TNS3: variants seen among roughly 807,000 people sequenced by gnomAD.
The protein encoded by TNS3 is tensin-3.
Under a neutral mutation model 140.9 loss-of-function variants are expected in TNS3, and 45 were observed. The ratio of observed to expected loss-of-function variants is 0.32; its 90% CI spans 0.25 to 0.41. The LOEUF (loss-of-function observed/expected upper bound fraction) is 0.41. Ranked by LOEUF, TNS3 falls within the 10% of genes least tolerant of loss-of-function variation. TNS3 has a pLI of 1.00. For missense variants in TNS3, 1,716 were observed against 1,906.7 expected (o/e 0.90, Z 1.86); for synonymous variants, 815 against 788.4 (o/e 1.03, Z -0.56).
chr7:47,503,448 G>C (rs1439554165), intron 3 of TNS3, among the ~76,000 whole-genome samples: 1 of 151,942 alleles, frequency 6.6e-6, no homozygotes, highest in African/African-American at 2.4e-5. Context: ...TTGCCAGTAA[G>C]TCAAGTGACA....
chr7:47,327,988 C>G (rs1293380115), intron 20 of TNS3, among the ~76,000 whole-genome samples: 1 of 151,982 alleles, frequency 6.6e-6, no homozygotes, highest in Admixed American at 6.5e-5. Context: ...TACCTGGCAC[C>G]CAGGACCCTG....
chr7:47,563,948 C>T (rs906502528), intron 1 of TNS3, among the ~76,000 whole-genome samples: 3 of 152,132 alleles, frequency 2.0e-5, no homozygotes, highest in Non-Finnish European at 4.4e-5. Flanking sequence ...AATCCCAGCA[C>T]TTTGGGAGGC....
intron 13 of TNS3, among the ~76,000 whole-genome samples, chr7:47,411,367 A>C (rs1793756576): frequency 6.6e-6 from 1 of 152,234 alleles, no homozygotes; most frequent in Non-Finnish European, 1.5e-5. Flanking sequence ...TTTCAGGATG[A>C]AACTGTTCCA....
intron 20 of TNS3, among the ~76,000 whole-genome samples, chr7:47,322,665 C>A (rs1175504520): frequency 6.6e-6 from 1 of 152,026 alleles, no homozygotes; most frequent in African/African-American, 2.4e-5. Flanking sequence ...CTGTATATGA[C>A]GAACATAAAA....
chr7:47,383,917 G>A (rs181421224), intron 16 of TNS3, among the ~76,000 whole-genome samples: 28 of 152,320 alleles, frequency 1.8e-4, no homozygotes, highest in African/African-American at 6.5e-4. Context: ...TACCTGGACT[G>A]CAGGTCAGAA....
chr7:47,459,792 A>G (rs1170402093), intron 4 of TNS3, among the ~76,000 whole-genome samples: 4 of 152,202 alleles, frequency 2.6e-5, no homozygotes, highest in Non-Finnish European at 5.9e-5. Context: ...TGGCAAAGGT[A>G]GCACCGTCCT....
At chr7:47,554,952 C>T (rs529425775) in intron 1 of TNS3, among the ~76,000 whole-genome samples, 3 of 151,630 alleles carry the variant, frequency 2.0e-5, no homozygotes, top group Admixed American at 6.6e-5. Context: ...CGCTTGAACC[C>T]GGGAGGCAGA....
chr7:47,435,418 G>A lies in TNS3; in HGVS notation c.202-14C>T. 1 of 1,612,656 alleles carries A rather than the reference G, an allele frequency of 6.2e-7. No homozygotes were observed. Among genetic ancestry groups the A allele is most frequent in the Non-Finnish European group, 8.5e-7 (1 of 1,179,912 alleles). ...CACATCCATGATCTGCAACAAGAAA[G>A]GGGAGCTTCCTCGGTTTCCATTTCC... On this transcript the variant is annotated splice_polypyrimidine_tract_variant and intron_variant, in intron 7 of 30. Coordinates refer to ENST00000311160, the MANE Select transcript of TNS3 (RefSeq NM_022748.12).
intron 26 of TNS3, among the ~76,000 whole-genome samples, chr7:47,292,570 C>T (rs1167406302): frequency 6.6e-6 from 1 of 152,198 alleles, no homozygotes; most frequent in Non-Finnish European, 1.5e-5. Context: ...TTTTAAACTA[C>T]AGAATCTTTG....
intron 7 of TNS3, 113 bp from the exon 8 acceptor site, chr7:47,435,517 C>G: frequency 6.8e-7 from 1 of 1,464,048 alleles, no homozygotes. Flanking sequence ...AAAGAACATG[C>G]TGGGTGACCC....
chr7:47,390,060 A>T (rs6957114), intron 16 of TNS3, among the ~76,000 whole-genome samples: 2 of 152,194 alleles, frequency 1.3e-5, no homozygotes, highest in Non-Finnish European at 2.9e-5. Flanking sequence ...CCATGCAAAG[A>T]GCCCTGGAGC....
At chr7:47,294,961 G>A (rs1031749808) in intron 24 of TNS3, among the ~76,000 whole-genome samples, 9 of 152,146 alleles carry the variant, frequency 5.9e-5, no homozygotes, top group South Asian at 4.1e-4. Context: ...CATCCAGAAC[G>A]TCCCTAGCTG....
At chr7:47,489,594 G>A (rs888622045) in intron 3 of TNS3, among the ~76,000 whole-genome samples, 2 of 152,224 alleles carry the variant, frequency 1.3e-5, no homozygotes, top group Non-Finnish European at 2.9e-5. Context: ...GCCTTCGCTG[G>A]CCTCAGGCAA....
At chr7:47,517,058 C>T (rs918319822) in intron 2 of TNS3, among the ~76,000 whole-genome samples, 1 of 152,164 alleles carries the variant, frequency 6.6e-6, no homozygotes, top group Non-Finnish European at 1.5e-5. Flanking sequence ...AGCAAAACTC[C>T]GTCTCAAAAA....
chr7:47,431,180 G>A (rs1335189477), intron 8 of TNS3, among the ~76,000 whole-genome samples: 1 of 152,174 alleles, frequency 6.6e-6, no homozygotes, highest in Non-Finnish European at 1.5e-5. Flanking sequence ...AATATCTTGG[G>A]AGAAACAAAA....
intron 1 of TNS3, among the ~76,000 whole-genome samples, chr7:47,574,626 GACACAC>G (rs3066624): frequency 6.9e-6 from 1 of 145,654 alleles, no homozygotes; most frequent in Non-Finnish European, 1.5e-5. Flanking sequence ...TATTCATACA[GACACAC>G]ACACACACAC....
At chr7:47,494,746 G>A (rs1191137840) in intron 3 of TNS3, among the ~76,000 whole-genome samples, 1 of 152,182 alleles carries the variant, frequency 6.6e-6, no homozygotes, top group African/African-American at 2.4e-5. Context: ...AGCTGCTCCC[G>A]GGAGGCGGAG....
At chr7:47,513,420 C>T (rs1798674124) in intron 2 of TNS3, among the ~76,000 whole-genome samples, 1 of 152,190 alleles carries the variant, frequency 6.6e-6, no homozygotes, top group Non-Finnish European at 1.5e-5. Context: ...TCTCCCGCCT[C>T]GGCGTCCCAA....
intron 3 of TNS3, among the ~76,000 whole-genome samples, chr7:47,493,780 A>C: frequency 6.6e-6 from 1 of 151,716 alleles, no homozygotes; most frequent in East Asian, 1.9e-4. Context: ...ATGAGCCGAG[A>C]TCGCGCCACT....
Sources: gnomAD v4.1 joint callset for allele counts (sites outside exome capture counted in the v4.1 genomes callset) on GRCh38, gnomAD v4.1.1 for gene constraint, MANE v1.5 for transcripts, NCBI Gene and HGNC (gene_info 2026-07-23, HGNC 2026-07-21) for gene names.